MRTFB: variants seen among roughly 807,000 people sequenced by gnomAD.
MRTFB encodes myocardin related transcription factor B, also known as myocardin-related transcription factor B.
Under a neutral mutation model 104.2 loss-of-function variants are expected in MRTFB, and 29 were observed. That is an observed-to-expected ratio of 0.28 (90% confidence interval 0.21 to 0.38). MRTFB has a LOEUF of 0.38. Among genes scored for constraint, MRTFB ranks in the 10% least tolerant of loss-of-function variants. MRTFB has a pLI of 1.00. For synonymous variants in MRTFB, 535 were observed against 519.5 expected, an observed-to-expected ratio of 1.03 and a Z score of -0.41; for missense variants, 1,270 against 1,341.6, an observed-to-expected ratio of 0.95 and a Z score of 0.83.
intron 3 of MRTFB, among the ~76,000 whole-genome samples, chr16:14,192,219 A>T (rs918117085): frequency 2.0e-5 from 3 of 152,054 alleles, no homozygotes; most frequent in Non-Finnish European, 1.5e-5. Flanking sequence ...AAAAAAAAAA[A>T]AAATAAGCCA....
intron 3 of MRTFB, chr16:14,151,031 G>A (rs1250403567): frequency 1.3e-5 from 2 of 152,186 alleles, no homozygotes; most frequent in African/African-American, 4.8e-5. Context: ...CTCACGCGGA[G>A]ATGATGAACA....
At chr16:14,159,347 T>C (rs1475552000) in intron 3 of MRTFB, among the ~76,000 whole-genome samples, 1 of 152,210 alleles carries the variant, frequency 6.6e-6, no homozygotes. Context: ...GCTAAATGAA[T>C]GAAGAAATTT....
At chr16:14,129,531 A>G (rs1463658761) in intron 2 of MRTFB, among the ~76,000 whole-genome samples, 1 of 152,196 alleles carries the variant, frequency 6.6e-6, no homozygotes, top group Non-Finnish European at 1.5e-5. Flanking sequence ...TCAGATGGAC[A>G]TATGTTTTTA....
chr16:14,227,858 C>T (rs541862557), intron 8 of MRTFB, among the ~76,000 whole-genome samples: 1 of 151,350 alleles, frequency 6.6e-6, no homozygotes, highest in African/African-American at 2.4e-5. Flanking sequence ...GGACTAATAT[C>T]TAATGTACAA....
At position 14,247,063 on chromosome 16, in the gene MRTFB, A is replaced by C; in HGVS notation, c.1803A>C (p.Gln601His). The C allele has an allele frequency of 1.9e-6, 3 of 1,614,184 alleles. No homozygotes were observed. Among genetic ancestry groups the C allele is most frequent in the Non-Finnish European group, 2.5e-6 (3 of 1,180,044 alleles). The change falls in exon 12 of 17, where the codon CAA (glutamine) becomes CAC (histidine). Residue 601 changes from glutamine (Q) to histidine (H), a missense_variant. By Grantham distance (24) the Gln-to-His change is conservative (BLOSUM62 0). Coordinates refer to ENST00000571589, the MANE Select transcript of MRTFB (RefSeq NM_001308142.2). ...EQKLVEVLKM[Q>H]LEVEKRGQQQ... ...AGCTCGTGGAAGTGCTGAAAATGCA[A>C]CTTGAGGTTGAAAAACGAGGGCAGC... is the stretch of plus-strand genomic sequence containing the variant.
At chr16:14,226,489 G>C (rs1597308310) in intron 8 of MRTFB, among the ~76,000 whole-genome samples, 1 of 152,230 alleles carries the variant, frequency 6.6e-6, no homozygotes, top group African/African-American at 2.4e-5. Context: ...ATGCAAAAAA[G>C]AATGAAGTTG....
At chr16:14,057,815 T>C in the MRTFB span, among the ~76,000 whole-genome samples, 110,781 of 152,208 alleles carry the variant, frequency 0.73, 41,688 homozygotes, top group African/African-American at 0.92. Context: ...GCAAATGAAG[T>C]GCTTGTTATT....
At chr16:14,043,081 C>T in the MRTFB span, among the ~76,000 whole-genome samples, 2 of 152,138 alleles carry the variant, frequency 1.3e-5, no homozygotes, top group African/African-American at 4.8e-5. Flanking sequence ...GACTGTGGGG[C>T]TCCTTGGAAA....
chr16:14,110,299 G>T (rs997991705), intron 2 of MRTFB, among the ~76,000 whole-genome samples: 1 of 152,220 alleles, frequency 6.6e-6, no homozygotes, highest in Non-Finnish European at 1.5e-5. Context: ...CCCTGGTAGA[G>T]TTTTTGACAG....
the MRTFB span, among the ~76,000 whole-genome samples, chr16:14,041,071 T>C: frequency 6.6e-5 from 10 of 151,438 alleles, no homozygotes; most frequent in Admixed American, 5.9e-4. Context: ...AATTTGAGGT[T>C]GCAGTGAGCC....
At chr16:14,114,706 G>C (rs1390922208) in intron 2 of MRTFB, among the ~76,000 whole-genome samples, 1 of 152,164 alleles carries the variant, frequency 6.6e-6, no homozygotes, top group Non-Finnish European at 1.5e-5. Context: ...GTAGGTCTCA[G>C]TTTAAATGTT....
intron 3 of MRTFB, among the ~76,000 whole-genome samples, chr16:14,208,044 G>C (rs990176716): frequency 1.3e-5 from 2 of 152,196 alleles, no homozygotes; most frequent in African/African-American, 4.8e-5. Flanking sequence ...GTTGGTATGA[G>C]GGAAAAGCCC....
chr16:14,174,512 G>T (rs139755604), intron 3 of MRTFB, among the ~76,000 whole-genome samples: 4,726 of 151,980 alleles, frequency 0.031, 268 homozygotes, highest in African/African-American at 0.11. Flanking sequence ...GTGAAACCCC[G>T]CCTCTACTAA....
At chr16:14,210,338 A>G in intron 4 of MRTFB, 30 bp downstream of exon 4, 2 of 1,565,700 alleles carry the variant, frequency 1.3e-6, no homozygotes, top group Non-Finnish European at 1.8e-6. Flanking sequence ...TGCCATCCCT[A>G]ACGTGACAGA....
chr16:14,145,753 A>G (rs2038278809), intron 3 of MRTFB, among the ~76,000 whole-genome samples: 1 of 152,268 alleles, frequency 6.6e-6, no homozygotes, highest in South Asian at 2.1e-4. Flanking sequence ...TAACATTTTA[A>G]ATACACGTTA....
intron 3 of MRTFB, among the ~76,000 whole-genome samples, chr16:14,171,869 T>C (rs1404759002): frequency 2.0e-5 from 3 of 152,232 alleles, no homozygotes; most frequent in African/African-American, 7.2e-5. Context: ...TATTTGTTCA[T>C]ATCCTTTTTG....
chr16:14,044,667 A>G, the MRTFB span, among the ~76,000 whole-genome samples: 3 of 152,204 alleles, frequency 2.0e-5, no homozygotes, highest in Non-Finnish European at 4.4e-5. Context: ...TTTGCCCATA[A>G]GGTCATCATT....
intron 2 of MRTFB, among the ~76,000 whole-genome samples, chr16:14,088,853 A>G (rs1012618165): frequency 1.3e-5 from 2 of 152,246 alleles, no homozygotes; most frequent in African/African-American, 4.8e-5. Flanking sequence ...TGTGTAATCA[A>G]AGAGAAGCAG....
At chr16:14,129,384 T>G (rs550163200) in intron 2 of MRTFB, among the ~76,000 whole-genome samples, 28 of 152,346 alleles carry the variant, frequency 1.8e-4, no homozygotes, top group African/African-American at 6.7e-4. Flanking sequence ...GTTGTATGAT[T>G]ATTTCTTTTC....
Sources: allele counts gnomAD v4.1 joint callset (sites outside exome capture counted in the v4.1 genomes callset), GRCh38; gene constraint gnomAD v4.1.1; transcripts MANE v1.5; gene names NCBI Gene and HGNC (gene_info 2026-07-23, HGNC 2026-07-21).